ELF1: variants seen among roughly 807,000 people sequenced by gnomAD.
The protein encoded by ELF1 is E74 like ETS transcription factor 1.
Under a neutral mutation model 59.9 loss-of-function variants are expected in ELF1, and 24 were observed. That is an observed-to-expected ratio of 0.40 (90% confidence interval 0.29 to 0.56). ELF1 has a LOEUF of 0.56. Ranked by LOEUF, ELF1 falls within the 20% of genes least tolerant of loss-of-function variation. The pLI is 0.44. For missense variants in ELF1, 627 were observed against 742.2 expected, an observed-to-expected ratio of 0.84 and a Z score of 1.80; for synonymous variants, 248 against 266.2, an observed-to-expected ratio of 0.93 and a Z score of 0.67.
At chr13:41,010,651 G>C (rs981611812) in intron 1 of ELF1, among the ~76,000 whole-genome samples, 11 of 151,972 alleles carry the variant, frequency 7.2e-5, no homozygotes, top group Non-Finnish European at 1.6e-4. Flanking sequence ...TTTATGAATA[G>C]TTTTTATTTT....
At chr13:40,993,474 G>A (rs553554168) in intron 1 of ELF1, 8 of 578,358 alleles carry the variant, frequency 1.4e-5, no homozygotes, top group South Asian at 6.6e-5. Flanking sequence ...CCCAGCGGGC[G>A]AGGAACTAGT....
intron 1 of ELF1, among the ~76,000 whole-genome samples, chr13:41,044,203 C>A (rs551220993): frequency 2.0e-5 from 3 of 152,284 alleles, no homozygotes; most frequent in Non-Finnish European, 2.9e-5. Context: ...TGGGCTGAGA[C>A]AATGGGGTTT....
intron 8 of ELF1, among the ~76,000 whole-genome samples, chr13:40,935,867 G>T (rs1246327371): frequency 6.6e-6 from 1 of 151,816 alleles, no homozygotes; most frequent in African/African-American, 2.4e-5. Context: ...TAGGAACAGG[G>T]TTTCACCACG....
chr13:40,999,584 G>C (rs982371270), intron 1 of ELF1, among the ~76,000 whole-genome samples: 2 of 152,200 alleles, frequency 1.3e-5, no homozygotes, highest in Non-Finnish European at 2.9e-5. Flanking sequence ...TGCAACAATA[G>C]ATGGTGGTCG....
intron 1 of ELF1, among the ~76,000 whole-genome samples, chr13:41,002,286 A>G (rs183426797): frequency 3.0e-4 from 45 of 152,268 alleles, no homozygotes; most frequent in Admixed American, 2.6e-3. Context: ...AAATACCTGG[A>G]GAAGAAGAAA....
intron 1 of ELF1, among the ~76,000 whole-genome samples, chr13:41,055,676 C>T (rs922853706): frequency 2.0e-5 from 3 of 151,812 alleles, no homozygotes; most frequent in Admixed American, 6.6e-5. Context: ...TAAATTATTC[C>T]ATTATTATTT....
At chr13:41,041,382 T>C (rs8002341) in intron 1 of ELF1, among the ~76,000 whole-genome samples, 1 of 151,880 alleles carries the variant, frequency 6.6e-6, no homozygotes, top group South Asian at 2.1e-4. Context: ...GACAGAACTA[T>C]TAAAAATCAT....
At chr13:41,047,098 G>T (rs1342488256) in intron 1 of ELF1, among the ~76,000 whole-genome samples, 1 of 152,132 alleles carries the variant, frequency 6.6e-6, no homozygotes, top group Admixed American at 6.6e-5. Flanking sequence ...CATTCGTCAC[G>T]TAGTTCTCCT....
At chr13:40,957,745 T>C (rs1181486422) in intron 3 of ELF1, among the ~76,000 whole-genome samples, 2 of 152,190 alleles carry the variant, frequency 1.3e-5, no homozygotes, top group African/African-American at 4.8e-5. Flanking sequence ...TATAGCAATG[T>C]GAGAAGTGAC....
intron 1 of ELF1, among the ~76,000 whole-genome samples, chr13:40,991,360 A>G (rs1433173135): frequency 6.6e-6 from 1 of 152,224 alleles, no homozygotes; most frequent in Non-Finnish European, 1.5e-5. Context: ...TTCTATTTAC[A>G]GTTTTTCTGT....
At chr13:40,954,604 C>T (rs1292699621) in intron 3 of ELF1, among the ~76,000 whole-genome samples, 3 of 152,166 alleles carry the variant, frequency 2.0e-5, no homozygotes, top group African/African-American at 2.4e-5. Context: ...CGCGCCGCCA[C>T]GCCTGACTGG....
At chr13:40,992,873 T>C (rs1727608838) in intron 1 of ELF1, 2 of 591,392 alleles carry the variant, frequency 3.4e-6, no homozygotes, top group Non-Finnish European at 6.0e-6. Context: ...AGCTCGAGAA[T>C]CAAGACTGAC....
intron 6 of ELF1, among the ~76,000 whole-genome samples, chr13:40,943,601 A>G (rs998738082): frequency 1.3e-5 from 2 of 152,216 alleles, no homozygotes; most frequent in Non-Finnish European, 2.9e-5. Context: ...TTCTTCCAAG[A>G]GTCTCTTTAT....
In ELF1 at chr13:40,959,001, T is replaced by C. The variant is rs753447275; in HGVS notation, c.88A>G (p.Ile30Val). 3.7e-6 allele frequency: 6 copies of C among 1,610,688 alleles called. No homozygotes were observed. The highest frequency in any genetic ancestry group is 4.5e-5 in the East Asian group (2 of 44,858). Residue 30 changes from isoleucine (I) to valine (V), a missense_variant, in exon 3 of 9, where the codon ATT becomes GTT. By Grantham distance (29) the Ile-to-Val change is conservative. Coordinates refer to ENST00000239882, the MANE Select transcript of ELF1 (RefSeq NM_172373.4). ...EDERQLGDPA[I>V]FPAVIVEHVP... Reference sequence around the variant, plus strand: ...TGTTCCACAATTACGGCAGGAAAAATAGCTGGATCACCAAGCTGGGAAGGG... The same window carrying C: ...TGTTCCACAATTACGGCAGGAAAAACAGCTGGATCACCAAGCTGGGAAGGG...
intron 1 of ELF1, among the ~76,000 whole-genome samples, chr13:41,051,711 C>G (rs1393094844): frequency 6.6e-6 from 1 of 152,020 alleles, no homozygotes; most frequent in Non-Finnish European, 1.5e-5. Context: ...TCTAGAATGA[C>G]TCTCTGGATC....
chr13:41,015,248 T>G (rs557220133), intron 1 of ELF1, among the ~76,000 whole-genome samples: 15 of 152,046 alleles, frequency 9.9e-5, no homozygotes, highest in African/African-American at 3.4e-4. Flanking sequence ...AGATTATTTA[T>G]TATGGCCAAT....
intron 1 of ELF1, among the ~76,000 whole-genome samples, chr13:41,034,437 T>C (rs190269028): frequency 3.9e-5 from 6 of 152,316 alleles, no homozygotes; most frequent in Admixed American, 3.9e-4. Flanking sequence ...TTGCGCTATT[T>C]AAGAAACTCT....
At chr13:41,038,289 G>A (rs1876466923) in intron 1 of ELF1, among the ~76,000 whole-genome samples, 1 of 152,076 alleles carries the variant, frequency 6.6e-6, no homozygotes, top group African/African-American at 2.4e-5. Flanking sequence ...CCACCAAGGT[G>A]GACAGACAAC....
chr13:41,004,491 C>T (rs1011767746), intron 1 of ELF1, among the ~76,000 whole-genome samples: 1 of 152,052 alleles, frequency 6.6e-6, no homozygotes, highest in East Asian at 1.9e-4. Context: ...CATCAGAACA[C>T]CTGCATTCAA....
Sources: gnomAD v4.1 joint callset for allele counts (sites outside exome capture counted in the v4.1 genomes callset) on GRCh38, gnomAD v4.1.1 for gene constraint, MANE v1.5 for transcripts, NCBI Gene and HGNC (gene_info 2026-07-23, HGNC 2026-07-21) for gene names.